The following YES1 variants were observed in gnomAD, a reference collection of about 807,000 sequenced individuals.
YES1 encodes tyrosine-protein kinase Yes.
Under a neutral mutation model 70.4 loss-of-function variants are expected in YES1, and 39 were observed. The ratio of observed to expected loss-of-function variants is 0.55; its 90% confidence interval spans 0.43 to 0.72. YES1 has a LOEUF of 0.72. Ranked by LOEUF, YES1 falls within the 30% of genes least tolerant of loss-of-function variation. The pLI is 0.00. For missense variants in YES1, 495 were observed against 644.8 expected (o/e 0.77, Z 2.52); for synonymous variants, 198 against 218.6 (o/e 0.91, Z 0.83).
chr18:730,755 A>AT (rs2080078504), intron 11 of YES1, among the ~76,000 whole-genome samples: 1 of 152,212 alleles, frequency 6.6e-6, no homozygotes, highest in Non-Finnish European at 1.5e-5. Flanking sequence ...AGTTGTTTAC[A>AT]GTGCTATAAT....
chr18:725,320 C>G (rs1314669520), intron 11 of YES1, among the ~76,000 whole-genome samples: 3 of 152,134 alleles, frequency 2.0e-5, no homozygotes, highest in Non-Finnish European at 4.4e-5. Context: ...CACCTTCCTT[C>G]CCTGCCTGCA....
chr18:808,154 T>C (rs745882647), intron 1 of YES1, among the ~76,000 whole-genome samples: 5 of 152,216 alleles, frequency 3.3e-5, no homozygotes, highest in Non-Finnish European at 4.4e-5. Flanking sequence ...CCAGGATATA[T>C]TGCCATCAAG....
chr18:775,723 G>C (rs1905346073), intron 1 of YES1, among the ~76,000 whole-genome samples: 2 of 152,154 alleles, frequency 1.3e-5, no homozygotes, highest in South Asian at 4.2e-4. Flanking sequence ...CTTGAGCCTG[G>C]GAGATAGAGG....
At chr18:726,893 C>T (rs560926817) in intron 11 of YES1, among the ~76,000 whole-genome samples, 39 of 146,098 alleles carry the variant, frequency 2.7e-4, no homozygotes, top group South Asian at 9.2e-4. Context: ...AGGTTTATTA[C>T]TATCCCCAAA....
chr18:803,970 G>T (rs913744966), intron 1 of YES1, among the ~76,000 whole-genome samples: 1 of 152,206 alleles, frequency 6.6e-6, no homozygotes, highest in Non-Finnish European at 1.5e-5. Flanking sequence ...TGGAAAAACA[G>T]ATTCTAATTT....
intron 1 of YES1, among the ~76,000 whole-genome samples, chr18:800,741 G>A (rs1482078928): frequency 6.6e-6 from 1 of 152,222 alleles, no homozygotes; most frequent in Non-Finnish European, 1.5e-5. Flanking sequence ...TTCCAGTGAT[G>A]TTCATATAAC....
chr18:800,645 A>C, intron 1 of YES1, among the ~76,000 whole-genome samples: 1 of 152,260 alleles, frequency 6.6e-6, no homozygotes, highest in Non-Finnish European at 1.5e-5. Context: ...GATGGTGAAG[A>C]AAATTATTGT....
chr18:783,108 G>A (rs1905758008), intron 1 of YES1, among the ~76,000 whole-genome samples: 1 of 151,934 alleles, frequency 6.6e-6, no homozygotes, highest in African/African-American at 2.4e-5. Context: ...TAGCCACTAG[G>A]TTTGGTGGCA....
At chr18:725,931 A>G (rs1568180934) in intron 11 of YES1, among the ~76,000 whole-genome samples, 1 of 152,162 alleles carries the variant, frequency 6.6e-6, no homozygotes, top group African/African-American at 2.4e-5. Context: ...CAGTGGAAAT[A>G]CAACTAGAAG....
At chr18:765,400 T>C (rs996025483) in intron 1 of YES1, among the ~76,000 whole-genome samples, 1 of 93,880 alleles carries the variant, frequency 1.1e-5, no homozygotes, top group South Asian at 3.5e-4. Context: ...AATTTAACAC[T>C]TTTTTTTTTT....
chr18:738,173 T>C (rs533710206), intron 9 of YES1: 2 of 152,242 alleles, frequency 1.3e-5, no homozygotes, highest in South Asian at 4.1e-4. Context: ...AAAGCTTTTC[T>C]GAATTGTCAG....
chr18:759,178 T>A (rs1904443347), intron 1 of YES1, among the ~76,000 whole-genome samples: 1 of 152,204 alleles, frequency 6.6e-6, no homozygotes, highest in Non-Finnish European at 1.5e-5. Context: ...CATCAAAATA[T>A]AACCGGGGCT....
chr18:802,323 T>G (rs1439091394), intron 1 of YES1, among the ~76,000 whole-genome samples: 1 of 152,058 alleles, frequency 6.6e-6, no homozygotes, highest in African/African-American at 2.4e-5. Context: ...ATCCCAGCAC[T>G]CTGGGAGGCC....
At chr18:811,024 T>C (rs1034155164) in intron 1 of YES1, among the ~76,000 whole-genome samples, 3 of 152,234 alleles carry the variant, frequency 2.0e-5, no homozygotes, top group Non-Finnish European at 4.4e-5. Context: ...TTAGTAATAC[T>C]TTCCTTAGTG....
chr18:799,066 CGTTGGACT>C (rs1906685739), intron 1 of YES1, among the ~76,000 whole-genome samples: 1 of 152,098 alleles, frequency 6.6e-6, no homozygotes, highest in Non-Finnish European at 1.5e-5. Context: ...TGTGTTAGTC[CGTTGGACT>C]AACCAGTTTG....
In YES1 at chr18:723,134, T is replaced by C. The variant is rs1281704122; in HGVS notation, c.*1290A>G. On this transcript the variant is annotated 3_prime_UTR_variant, in exon 12 of 12. Transcript: ENST00000314574. The stretch of plus-strand genomic sequence containing the variant: ...AAAGTGAATGTAGATTCAAACATGA[T>C]TTGAAAACTGGAGTTCTAAAAATGT... 1 of 152,238 alleles carries C rather than the reference T, an allele frequency of 6.6e-6. No individual in the cohort carries two copies. The highest frequency in any genetic ancestry group is 1.5e-5 in the Non-Finnish European group (1 of 68,036). The allele number at this position is 152,238 out of a possible 1,614,324, so 9.4% of individuals were successfully genotyped here.
intron 1 of YES1, among the ~76,000 whole-genome samples, chr18:801,742 C>T (rs756666076): frequency 6.6e-6 from 1 of 152,068 alleles, no homozygotes; most frequent in Non-Finnish European, 1.5e-5. Flanking sequence ...AATATATAGA[C>T]TTCACAAACC....
At chr18:777,804 C>CT (rs2145791108) in intron 1 of YES1, among the ~76,000 whole-genome samples, 1 of 125,236 alleles carries the variant, frequency 8.0e-6, no homozygotes, top group African/African-American at 3.1e-5. Flanking sequence ...GAGACTCTGG[C>CT]TTAAAAAAAA....
chr18:810,951 TGATA>T (rs1184990394), intron 1 of YES1, among the ~76,000 whole-genome samples: 1 of 150,950 alleles, frequency 6.6e-6, no homozygotes, highest in Non-Finnish European at 1.5e-5. Context: ...CCAAGCACTG[TGATA>T]GTTAAGATAT....
Sources: allele counts gnomAD v4.1 joint callset (sites outside exome capture counted in the v4.1 genomes callset), GRCh38; gene constraint gnomAD v4.1.1; transcripts MANE v1.5; gene names NCBI Gene and HGNC (gene_info 2026-07-23, HGNC 2026-07-21).